MTFR1: variants seen among roughly 807,000 people sequenced by gnomAD.
The protein encoded by MTFR1 is mitochondrial fission regulator 1, also known as chondrocyte protein with a poly-proline region.
MTFR1 carries 28 observed loss-of-function variants against 38.8 expected under a neutral mutation model. The ratio of observed to expected loss-of-function variants is 0.72; its 90% CI spans 0.53 to 0.99. The LOEUF is 0.99. MTFR1 is among the 50% of genes least tolerant of loss of function. The pLI, the probability that MTFR1 is intolerant of heterozygous loss-of-function variation, is 0.00. For synonymous variants in MTFR1, 145 were observed against 137.0 expected (o/e 1.06, Z -0.41); for missense variants, 358 against 395.5 (o/e 0.91, Z 0.81).
At chr8:65,724,168 C>T in intron 3 of MTFR1, 1 of 775,394 alleles carries the variant, frequency 1.3e-6, no homozygotes, top group East Asian at 2.6e-5. Flanking sequence ...CTGCTAGACC[C>T]ATATAAATTA....
At position 65,709,309 on chromosome 8, in the gene MTFR1, A is replaced by G. The variant is rs1340281474; in HGVS notation, c.*265A>G. ...GGGCGTTCAGATTTCCAGTTTTGAA[A>G]ACAATTGTATAGATTTCACAACACA... On this transcript the variant is annotated 3_prime_UTR_variant, in exon 8 of 8. Transcript: ENST00000262146. 1 of 382,316 alleles carries G rather than the reference A, an allele frequency of 2.6e-6. No individual in the cohort carries two copies. The highest frequency in any genetic ancestry group is 4.8e-6 in the Non-Finnish European group (1 of 209,774). 23.7% of individuals were successfully genotyped at this position (382,316 alleles called of 1,614,324 possible). A position where few individuals can be genotyped will look rare whatever the true frequency, so the allele number is the denominator to read the frequency against.
chr8:65,778,555 T>G, the MTFR1 span, among the ~76,000 whole-genome samples: 1 of 152,156 alleles, frequency 6.6e-6, no homozygotes, highest in Non-Finnish European at 1.5e-5. Flanking sequence ...AATTCCTGAT[T>G]CTCGGAATCA....
intron 2 of MTFR1, among the ~76,000 whole-genome samples, chr8:65,673,605 T>TA (rs111437172): frequency 0.15 from 20,828 of 142,248 alleles, 2,243 homozygotes; most frequent in East Asian, 0.53. Context: ...AAAGTATAAT[T>TA]AAAAAAAAAA....
At chr8:65,721,169 T>C (rs1806362443) in intron 3 of MTFR1, among the ~76,000 whole-genome samples, 1 of 152,202 alleles carries the variant, frequency 6.6e-6, no homozygotes, top group Non-Finnish European at 1.5e-5. Flanking sequence ...TGTTCAACCA[T>C]TTGTGACTCC....
intron 1 of MTFR1, among the ~76,000 whole-genome samples, chr8:65,657,270 C>T (rs975859365): frequency 6.6e-6 from 1 of 152,174 alleles, no homozygotes; most frequent in Non-Finnish European, 1.5e-5. Context: ...ACCTTGGCCT[C>T]CCAAAGTGCT....
chr8:65,649,978 A>G (rs1390690147), intron 1 of MTFR1, among the ~76,000 whole-genome samples: 1 of 151,948 alleles, frequency 6.6e-6, no homozygotes, highest in Non-Finnish European at 1.5e-5. Context: ...AGCTGGGGTT[A>G]CAGGCGCCCA....
chr8:65,651,689 C>G (rs1337233473), intron 1 of MTFR1, among the ~76,000 whole-genome samples: 1 of 152,022 alleles, frequency 6.6e-6, no homozygotes, highest in Admixed American at 6.6e-5. Context: ...ACCATGTTGT[C>G]TCGGTTACTA....
intron 3 of MTFR1, among the ~76,000 whole-genome samples, chr8:65,757,949 C>T (rs1311887834): frequency 1.3e-5 from 2 of 152,144 alleles, no homozygotes; most frequent in African/African-American, 2.4e-5. Flanking sequence ...TATTTGATTT[C>T]CCTCAATTTA....
At chr8:65,693,840 A>G (rs1189181614) in intron 4 of MTFR1, 81 bp downstream of exon 4, 2 of 1,044,376 alleles carry the variant, frequency 1.9e-6, no homozygotes, top group Admixed American at 2.0e-5. Flanking sequence ...CTTATTTTTA[A>G]TAGCCTAATT....
downstream of MTFR1, among the ~76,000 whole-genome samples, chr8:65,715,485 C>T (rs1806097048): frequency 6.6e-6 from 1 of 151,206 alleles, no homozygotes; most frequent in Non-Finnish European, 1.5e-5. Flanking sequence ...TCAAGCAATT[C>T]TTCCGCCTCA....
At chr8:65,645,683 G>T (rs1273147389) in intron 1 of MTFR1, among the ~76,000 whole-genome samples, 1 of 98,244 alleles carries the variant, frequency 1.0e-5, no homozygotes, top group African/African-American at 4.1e-5. Context: ...GCGCCATCAC[G>T]CCCGGCTTTC....
intron 3 of MTFR1, among the ~76,000 whole-genome samples, chr8:65,687,321 A>G (rs1286768275): frequency 6.6e-6 from 1 of 151,246 alleles, no homozygotes; most frequent in Non-Finnish European, 1.5e-5. Flanking sequence ...TAATAAATAT[A>G]TACAGCTTTG....
At chr8:65,771,647 G>C (rs963622360), downstream of MTFR1, among the ~76,000 whole-genome samples, 1 of 151,990 alleles carries the variant, frequency 6.6e-6, no homozygotes, top group African/African-American at 2.4e-5. Context: ...AGGCCAGGGC[G>C]GGCGGATCAC....
At chr8:65,644,942 A>G (rs1441490552) in intron 1 of MTFR1, among the ~76,000 whole-genome samples, 158 bp downstream of exon 1, 3 of 152,068 alleles carry the variant, frequency 2.0e-5, no homozygotes, top group Non-Finnish European at 2.9e-5. Context: ...GGGCCGGTTG[A>G]GTGTTTGCCC....
intron 3 of MTFR1, chr8:65,720,405 C>A (rs1806324900): frequency 1.3e-5 from 2 of 154,136 alleles, no homozygotes; most frequent in Non-Finnish European, 2.9e-5. Context: ...ATATCCAAGA[C>A]TCTCGTTGCA....
chr8:65,759,448 C>T (rs1255961889), intron 3 of MTFR1, among the ~76,000 whole-genome samples: 2 of 152,058 alleles, frequency 1.3e-5, no homozygotes, highest in Non-Finnish European at 2.9e-5. Flanking sequence ...ATACTGCAGG[C>T]ATATGGGCCA....
At chr8:65,778,074 A>T in the MTFR1 span, among the ~76,000 whole-genome samples, 1 of 152,222 alleles carries the variant, frequency 6.6e-6, no homozygotes, top group Admixed American at 6.5e-5. Flanking sequence ...ATGGGAGATT[A>T]AAAAGGTTTT....
At chr8:65,730,193 T>TTTTTTTTTTTTTTC (rs1321443430) in intron 3 of MTFR1, among the ~76,000 whole-genome samples, 6 of 136,994 alleles carry the variant, frequency 4.4e-5, no homozygotes, top group African/African-American at 1.4e-4. Context: ...TTTTTTTTTT[T>TTTTTTTTTTTTTTC]TTTTGAGATG....
chr8:65,721,364 G>A (rs927360217), intron 3 of MTFR1, among the ~76,000 whole-genome samples: 3 of 152,240 alleles, frequency 2.0e-5, no homozygotes, highest in Non-Finnish European at 4.4e-5. Context: ...TTGGGGAGTA[G>A]TAATCACTGC....
Sources: allele counts gnomAD v4.1 joint callset (sites outside exome capture counted in the v4.1 genomes callset), GRCh38; gene constraint gnomAD v4.1.1; transcripts MANE v1.5; gene names NCBI Gene and HGNC (gene_info 2026-07-23, HGNC 2026-07-21).